Variants in RBFOX1 observed in about 807,000 individuals in gnomAD.
RBFOX1 encodes the protein RNA binding protein fox-1 homolog 1.
A neutral mutation model predicts 57.7 loss-of-function variants in RBFOX1; 8 were observed. That is an observed-to-expected ratio of 0.14 (90% CI 0.08 to 0.25). The LOEUF (loss-of-function observed/expected upper bound fraction) is 0.25, where lower values mean the gene tolerates loss of function less well. Ranked by LOEUF, RBFOX1 falls within the 10% of genes least tolerant of loss-of-function variation. The pLI, the probability that RBFOX1 is intolerant of heterozygous loss-of-function variation, is 1.00. For synonymous variants in RBFOX1, 326 were observed against 222.4 expected (o/e 1.47, Z -4.15); for missense variants, 611 against 548.5 (o/e 1.11, Z -1.14).
At chr16:6,841,507 G>C (rs1228434852) in intron 3 of RBFOX1, among the ~76,000 whole-genome samples, 2 of 152,144 alleles carry the variant, frequency 1.3e-5, no homozygotes, top group African/African-American at 2.4e-5. Flanking sequence ...GGTAGATCTG[G>C]ATGATTTTCT....
intron 4 of RBFOX1, among the ~76,000 whole-genome samples, chr16:7,072,989 C>T (rs114939359): frequency 6.6e-6 from 1 of 152,184 alleles, no homozygotes; most frequent in African/African-American, 2.4e-5. Context: ...GAATAAGCCA[C>T]TTATGTGCAG....
chr16:5,575,430 G>A (rs2046419789), intron 2 of RBFOX1, among the ~76,000 whole-genome samples: 1 of 152,176 alleles, frequency 6.6e-6, no homozygotes, highest in Non-Finnish European at 1.5e-5. Flanking sequence ...ATGTCAGGCA[G>A]GTTCAACTTT....
chr16:6,531,004 G>A (rs551397137), intron 2 of RBFOX1, among the ~76,000 whole-genome samples: 39 of 152,102 alleles, frequency 2.6e-4, no homozygotes, highest in Non-Finnish European at 4.1e-4. Flanking sequence ...ACCATGCATC[G>A]CACAGGCCAT....
rs1481312871 is a variant in RBFOX1 at position 6,654,681 on chromosome 16, C to G, written c.-16+31C>G. 4.7e-6 allele frequency: 7 copies of G among 1,474,458 alleles called. No homozygotes were observed. The South Asian group carries it at 9.2e-5, about 19-fold the overall frequency. The allele number at this position is 1,474,458 out of a possible 1,614,324, so 91.3% of individuals were successfully genotyped here. Reference sequence around the variant, plus strand: ...TCAATATTTTTCATTTTTAGGGTTGCAAACAAAACAAGAACTCTGTGAATT... The same window carrying G: ...TCAATATTTTTCATTTTTAGGGTTGGAAACAAAACAAGAACTCTGTGAATT... On this transcript the variant is annotated intron_variant, in intron 3 of 15. Transcript: ENST00000550418.
intron 4 of RBFOX1, among the ~76,000 whole-genome samples, chr16:5,949,377 T>A (rs2059471301): frequency 6.6e-6 from 1 of 151,652 alleles, no homozygotes; most frequent in African/African-American, 2.4e-5. Flanking sequence ...ATATAAAAAA[T>A]TAGCCTGGCA....
At chr16:7,397,929 C>G (rs1051063736) in intron 4 of RBFOX1, among the ~76,000 whole-genome samples, 1 of 152,114 alleles carries the variant, frequency 6.6e-6, no homozygotes. Flanking sequence ...CTACTTGGCT[C>G]TTAAATTTCT....
intron 3 of RBFOX1, among the ~76,000 whole-genome samples, chr16:5,718,104 G>C (rs2051786734): frequency 6.6e-6 from 1 of 152,192 alleles, no homozygotes; most frequent in Non-Finnish European, 1.5e-5. Flanking sequence ...TGCACACATA[G>C]GGCAAGCATT....
intron 2 of RBFOX1, among the ~76,000 whole-genome samples, chr16:6,585,432 T>C (rs1029862271): frequency 3.3e-5 from 5 of 152,240 alleles, no homozygotes; most frequent in African/African-American, 1.2e-4. Context: ...AAGGTTGACT[T>C]GTATTCTCGG....
chr16:7,301,740 C>T (rs1288009253), intron 4 of RBFOX1, among the ~76,000 whole-genome samples: 1 of 151,258 alleles, frequency 6.6e-6, no homozygotes, highest in Non-Finnish European at 1.5e-5. Flanking sequence ...CTAATGCCAG[C>T]AAGAGAAAAA....
At chr16:5,859,331 C>G (rs1422243446) in intron 3 of RBFOX1, among the ~76,000 whole-genome samples, 2 of 152,192 alleles carry the variant, frequency 1.3e-5, no homozygotes, top group Non-Finnish European at 2.9e-5. Flanking sequence ...TTACCTTGAA[C>G]TCACAAAACC....
At chr16:7,383,714 A>G (rs1260801968) in intron 4 of RBFOX1, among the ~76,000 whole-genome samples, 1 of 152,202 alleles carries the variant, frequency 6.6e-6, no homozygotes, top group East Asian at 1.9e-4. Context: ...TTAAACGCCT[A>G]TTCAAAGGGT....
intron 1 of RBFOX1, among the ~76,000 whole-genome samples, chr16:6,090,868 G>T (rs535902216): frequency 6.6e-6 from 1 of 152,270 alleles, no homozygotes; most frequent in South Asian, 2.1e-4. Flanking sequence ...TGCACAGTTG[G>T]TCACTACATT....
chr16:5,820,416 C>A (rs760764638), intron 3 of RBFOX1, among the ~76,000 whole-genome samples: 3 of 152,120 alleles, frequency 2.0e-5, no homozygotes, highest in South Asian at 4.2e-4. Context: ...AGGACCATCC[C>A]GGTGACCCCG....
chr16:5,513,546 A>C (rs1275752980), intron 2 of RBFOX1, among the ~76,000 whole-genome samples: 2 of 152,160 alleles, frequency 1.3e-5, no homozygotes, highest in African/African-American at 4.8e-5. Flanking sequence ...AGCAGCTCAC[A>C]TTTGAAGAGT....
intron 4 of RBFOX1, among the ~76,000 whole-genome samples, chr16:7,082,742 C>T (rs17559115): frequency 1.3e-5 from 2 of 151,980 alleles, no homozygotes; most frequent in African/African-American, 4.8e-5. Context: ...TAATGTATCA[C>T]AATGGCATTC....
chr16:5,813,162 C>T (rs1007484806), intron 3 of RBFOX1, among the ~76,000 whole-genome samples: 6 of 152,076 alleles, frequency 3.9e-5, no homozygotes, highest in Admixed American at 2.0e-4. Flanking sequence ...CGCATGCCAC[C>T]GCACCTGGCT....
chr16:7,064,773 AC>A (rs1230932055), intron 4 of RBFOX1, among the ~76,000 whole-genome samples: 3 of 152,202 alleles, frequency 2.0e-5, no homozygotes, highest in Non-Finnish European at 4.4e-5. Context: ...CAACTAACCA[AC>A]AAAAAGCCCC....
intron 3 of RBFOX1, among the ~76,000 whole-genome samples, chr16:5,619,842 C>T (rs1263516352): frequency 6.6e-6 from 1 of 152,138 alleles, no homozygotes; most frequent in African/African-American, 2.4e-5. Context: ...GGCAGGTCCC[C>T]TGGGGACATG....
intron 4 of RBFOX1, among the ~76,000 whole-genome samples, chr16:7,320,603 A>AT (rs1477795730): frequency 3.3e-5 from 5 of 152,208 alleles, no homozygotes; most frequent in Non-Finnish European, 5.9e-5. Flanking sequence ...CCCAAATCAA[A>AT]CTTGCTTAAG....
Sources: allele counts gnomAD v4.1 joint callset (sites outside exome capture counted in the v4.1 genomes callset), GRCh38; gene constraint gnomAD v4.1.1; transcripts MANE v1.5; gene names NCBI Gene and HGNC (gene_info 2026-07-23, HGNC 2026-07-21).